The following EYS variants were observed in gnomAD, a reference collection of about 807,000 sequenced individuals.
EYS encodes the protein EGF-like photoreceptor maintenance factor, also known as protein eyes shut homolog.
A neutral mutation model predicts 282.1 loss-of-function variants in EYS; 250 were observed. The ratio of observed to expected loss-of-function variants is 0.89; its 90% CI spans 0.80 to 0.98. The LOEUF (loss-of-function observed/expected upper bound fraction) is 0.98, where lower values mean the gene tolerates loss of function less well. Among genes scored for constraint, EYS ranks in the 50% least tolerant of loss-of-function variants. The pLI, the probability that EYS is intolerant of heterozygous loss-of-function variation, is 0.00. For missense variants in EYS, 4,016 were observed against 3,709.0 expected, an observed-to-expected ratio of 1.08 and a Z score of -2.15; for synonymous variants, 1,355 against 1,282.9, an observed-to-expected ratio of 1.06 and a Z score of -1.20.
intron 22 of EYS, among the ~76,000 whole-genome samples, chr6:64,633,698 C>G (rs1299911841): frequency 6.6e-6 from 1 of 151,562 alleles, no homozygotes; most frequent in Admixed American, 6.6e-5. Flanking sequence ...CTTCCTCCTA[C>G]TCTGTTTGGA....
At chr6:65,031,875 A>C (rs74462693) in intron 13 of EYS, among the ~76,000 whole-genome samples, 1 of 152,122 alleles carries the variant, frequency 6.6e-6, no homozygotes, top group Non-Finnish European at 1.5e-5. Flanking sequence ...AAATAAGCAA[A>C]ATCAGAGCTG....
At chr6:64,195,939 C>G (rs1364821097) in intron 31 of EYS, among the ~76,000 whole-genome samples, 3 of 152,066 alleles carry the variant, frequency 2.0e-5, no homozygotes, top group Admixed American at 6.6e-5. Flanking sequence ...AAGAAACTAC[C>G]ATCAGAGTGA....
intron 26 of EYS, among the ~76,000 whole-genome samples, chr6:64,477,297 G>A (rs1259667788): frequency 1.3e-5 from 2 of 152,114 alleles, no homozygotes; most frequent in African/African-American, 2.4e-5. Flanking sequence ...ACCTGTTGGA[G>A]AATAAGCTAC....
chr6:65,662,821 A>G (rs1164959640), intron 1 of EYS, among the ~76,000 whole-genome samples: 3 of 152,150 alleles, frequency 2.0e-5, no homozygotes, highest in Non-Finnish European at 4.4e-5. Context: ...GTGGAAGAAA[A>G]ATAACAAGTT....
chr6:64,956,253 A>G (rs1769698319), intron 14 of EYS, among the ~76,000 whole-genome samples: 1 of 152,182 alleles, frequency 6.6e-6, no homozygotes, highest in Admixed American at 6.6e-5. Context: ...ATACAGACCA[A>G]TGGAACAGAT....
intron 13 of EYS, among the ~76,000 whole-genome samples, chr6:65,019,229 C>CT (rs1772164256): frequency 6.6e-6 from 1 of 152,144 alleles, no homozygotes. Context: ...GAAGCACAGA[C>CT]TAAACATTCT....
chr6:65,099,427 C>A (rs973595376), intron 12 of EYS, among the ~76,000 whole-genome samples: 10 of 150,568 alleles, frequency 6.6e-5, no homozygotes, highest in African/African-American at 2.4e-4. Context: ...ATATCTGGCA[C>A]ATATTTGTAT....
chr6:64,039,254 G>C (rs917665844), intron 33 of EYS, among the ~76,000 whole-genome samples: 4 of 152,252 alleles, frequency 2.6e-5, no homozygotes, highest in African/African-American at 9.6e-5. Context: ...TTTTACTTTA[G>C]ATAAGAATTA....
At chr6:63,851,798 G>A (rs1286854009) in intron 36 of EYS, among the ~76,000 whole-genome samples, 1 of 152,036 alleles carries the variant, frequency 6.6e-6, no homozygotes, top group Non-Finnish European at 1.5e-5. Context: ...AAAGCTAGCA[G>A]AAGACAAGAA....
chr6:65,365,585 G>A (rs982743901), intron 8 of EYS, among the ~76,000 whole-genome samples: 1 of 151,544 alleles, frequency 6.6e-6, no homozygotes, highest in Admixed American at 6.7e-5. Flanking sequence ...CTATTACAAA[G>A]CCTAAGGTAA....
At chr6:65,340,554 A>G (rs1403020745) in intron 10 of EYS, among the ~76,000 whole-genome samples, 2 of 151,146 alleles carry the variant, frequency 1.3e-5, no homozygotes, top group African/African-American at 4.8e-5. Context: ...TACAAAAACT[A>G]ACAGTTTGCA....
At chr6:64,854,683 G>A (rs957167299) in intron 19 of EYS, among the ~76,000 whole-genome samples, 1 of 151,862 alleles carries the variant, frequency 6.6e-6, no homozygotes, top group Non-Finnish European at 1.5e-5. Context: ...CATGGCACAT[G>A]TATACATATG....
intron 31 of EYS, among the ~76,000 whole-genome samples, chr6:64,127,505 G>A (rs59272656): frequency 0.097 from 14,683 of 151,724 alleles, 1,210 homozygotes; most frequent in African/African-American, 0.23. Flanking sequence ...TTTTCTCTAC[G>A]GATTTGTTTA....
At chr6:64,718,926 T>G (rs141376057) in intron 22 of EYS, among the ~76,000 whole-genome samples, 42 of 152,306 alleles carry the variant, frequency 2.8e-4, no homozygotes, top group African/African-American at 9.9e-4. Context: ...CCAATGTAAT[T>G]AAGACTTTGG....
In EYS at chr6:63,726,692, A is replaced by C; in HGVS notation, c.8072-12T>G. The C allele has an allele frequency of 1.3e-6, 2 of 1,548,124 alleles. No individual in the cohort carries two copies. Among genetic ancestry groups the C allele is most frequent in the Non-Finnish European group, 1.7e-6 (2 of 1,144,616 alleles). On this transcript the variant is annotated splice_polypyrimidine_tract_variant and intron_variant, in intron 41 of 42. Transcript: ENST00000503581. ...ACTTATGGATAAAGCTGAGGGAAGG[A>C]GAGAAAGAGAACTCTGGGAGTTATC... is the stretch of plus-strand genomic sequence containing the variant.
At chr6:64,026,535 A>G (rs921400598) in intron 33 of EYS, among the ~76,000 whole-genome samples, 2 of 152,146 alleles carry the variant, frequency 1.3e-5, no homozygotes, top group African/African-American at 4.8e-5. Flanking sequence ...CACAAATTAC[A>G]ATACTATCCT....
intron 31 of EYS, among the ~76,000 whole-genome samples, chr6:64,190,479 T>C (rs1308702773): frequency 1.3e-5 from 2 of 152,172 alleles, no homozygotes; most frequent in Non-Finnish European, 2.9e-5. Context: ...CTCCAGGCAT[T>C]GACATTTACA....
At chr6:65,417,807 T>A (rs900466699) in intron 5 of EYS, among the ~76,000 whole-genome samples, 2 of 152,146 alleles carry the variant, frequency 1.3e-5, no homozygotes, top group African/African-American at 2.4e-5. Context: ...TCTAGAAACA[T>A]TCCATCTCTA....
At chr6:65,668,069 C>CT (rs1768260372) in intron 1 of EYS, among the ~76,000 whole-genome samples, 1 of 151,844 alleles carries the variant, frequency 6.6e-6, no homozygotes, top group Non-Finnish European at 1.5e-5. Flanking sequence ...AGTTTACACT[C>CT]TAACTCTTCC....
Sources: gnomAD v4.1 joint callset for allele counts (sites outside exome capture counted in the v4.1 genomes callset) on GRCh38, gnomAD v4.1.1 for gene constraint, MANE v1.5 for transcripts, NCBI Gene and HGNC (gene_info 2026-07-23, HGNC 2026-07-21) for gene names.